Variants in GNB5 observed in about 807,000 individuals in gnomAD.
GNB5 encodes the protein guanine nucleotide-binding protein subunit beta-5.
In GNB5, 37 loss-of-function variants were observed where a neutral mutation model predicts 55.3. The observed-to-expected ratio is 0.67, with a 90% CI of 0.51 to 0.88. The LOEUF is 0.88. Among genes scored for constraint, GNB5 ranks in the 40% least tolerant of loss-of-function variants. The pLI is 0.00. For missense variants in GNB5, 476 were observed against 515.3 expected, an observed-to-expected ratio of 0.92 and a Z score of 0.74; for synonymous variants, 219 against 198.5, an observed-to-expected ratio of 1.10 and a Z score of -0.87.
At chr15:52,157,179 G>A (rs1286969830) in intron 3 of GNB5, among the ~76,000 whole-genome samples, 2 of 151,154 alleles carry the variant, frequency 1.3e-5, no homozygotes, top group Non-Finnish European at 1.5e-5. Flanking sequence ...CTTGTGATCC[G>A]CCAGCCTCGG....
chr15:52,140,906 G>A (rs936223137), intron 7 of GNB5, among the ~76,000 whole-genome samples: 1 of 152,090 alleles, frequency 6.6e-6, no homozygotes. Context: ...ATCAGAGGAG[G>A]ATTTTCAATA....
At chr15:52,128,954 CTT>C (rs536792407) in intron 9 of GNB5, among the ~76,000 whole-genome samples, 31,090 of 126,314 alleles carry the variant, frequency 0.25, 4,621 homozygotes, top group African/African-American at 0.5. Flanking sequence ...ATTGTTTCTC[CTT>C]TTTTTTTTTT....
chr15:52,119,850 G>A lies in GNB5; in HGVS notation c.*2907C>T, dbSNP rs1263557547. On this transcript the variant is annotated 3_prime_UTR_variant, in exon 13 of 13. Transcript: ENST00000261837. ...TTCAGCCAGCTGGCCTGGCAACTAT[G>A]AGAGCCCGGGACACAAAGGCCCTTA... 1 of 152,230 alleles carries A rather than the reference G, an allele frequency of 6.6e-6. No individual in the cohort carries two copies. The highest frequency in any genetic ancestry group is 1.5e-5 in the Non-Finnish European group (1 of 68,110). The allele number at this position is 152,230 out of a possible 1,614,324, so 9.4% of individuals were successfully genotyped here.
intron 10 of GNB5, 62 bp from the exon 11 acceptor site, chr15:52,126,106 A>G (rs1475134762): frequency 1.3e-6 from 1 of 783,218 alleles, no homozygotes; most frequent in African/African-American, 1.7e-5. Flanking sequence ...CGTGATGACC[A>G]CAGAGCTACA....
In GNB5 at chr15:52,133,367, TACTC is replaced by T; in HGVS notation, c.863+7_863+10del. On this transcript the variant is annotated splice_region_variant and intron_variant, in intron 9 of 12. Transcript: ENST00000261837. ...GAACAGAGAGGTGGCATGAACATTCTACTCACTGACCGGACACTGTTGATGTCAG... is the reference window on the plus strand; with the variant it reads ...GAACAGAGAGGTGGCATGAACATTCTACTGACCGGACACTGTTGATGTCAG... The T allele has an allele frequency of 6.4e-7, 1 of 1,553,278 alleles. No homozygotes were observed. Among genetic ancestry groups the T allele is most frequent in the Non-Finnish European group, 8.9e-7 (1 of 1,124,440 alleles).
intron 10 of GNB5, among the ~76,000 whole-genome samples, chr15:52,126,536 T>C (rs1303236274): frequency 2.0e-5 from 3 of 152,216 alleles, no homozygotes; most frequent in African/African-American, 7.2e-5. Flanking sequence ...TCCTTTCTCA[T>C]ATCATTAAAA....
At chr15:52,125,882 G>A in intron 11 of GNB5, 66 bp downstream of exon 11, 1 of 710,250 alleles carries the variant, frequency 1.4e-6, no homozygotes, top group East Asian at 2.7e-5. Context: ...GAGCGATGAT[G>A]GAGCGCTAGT....
intron 3 of GNB5, among the ~76,000 whole-genome samples, chr15:52,171,093 C>CAA (rs58181494): frequency 0.014 from 1,040 of 72,250 alleles, 9 homozygotes; most frequent in African/African-American, 0.034. Context: ...ACTCTATCTC[C>CAA]AAAAAAAAAA....
At chr15:52,136,867 T>C (rs1200848564) in intron 7 of GNB5, 1 of 381,172 alleles carries the variant, frequency 2.6e-6, no homozygotes, top group Non-Finnish European at 5.1e-6. Context: ...CCAGGCCAAC[T>C]TTCCTGTTAC....
intron 6 of GNB5, among the ~76,000 whole-genome samples, chr15:52,141,691 C>A (rs936165154): frequency 2.6e-5 from 4 of 152,174 alleles, no homozygotes; most frequent in African/African-American, 9.7e-5. Flanking sequence ...TCTACAGGAG[C>A]AAATTCTGAA....
chr15:52,158,674 T>C (rs1430005637), intron 3 of GNB5, among the ~76,000 whole-genome samples: 2 of 152,080 alleles, frequency 1.3e-5, no homozygotes, highest in African/African-American at 4.8e-5. Context: ...AGTTCCTTTT[T>C]TTTCTTTTCC....
chr15:52,122,578 T>C lies in GNB5; in HGVS notation c.*179A>G, dbSNP rs1046546253. The C allele has an allele frequency of 8.1e-6, 5 of 619,770 alleles. No individual in the cohort carries two copies. Among genetic ancestry groups the C allele is most frequent in the South Asian group, 2.0e-5 (1 of 50,818 alleles). The allele number at this position is 619,770 out of a possible 1,614,324, so 38.4% of individuals were successfully genotyped here. A position where few individuals can be genotyped will look rare whatever the true frequency, so the allele number is the denominator to read the frequency against. ...TCGCAGTGCTGAAGGCTCACACTAG[T>C]GTATTTCCAGAGGTGACAGTTTTAA... On this transcript the variant is annotated 3_prime_UTR_variant, in exon 13 of 13. Coordinates refer to ENST00000261837, the MANE Select transcript of GNB5 (RefSeq NM_016194.4).
At chr15:52,179,945 C>G in intron 2 of GNB5, 66 bp from the exon 3 acceptor site, 2 of 1,433,052 alleles carry the variant, frequency 1.4e-6, no homozygotes, top group Non-Finnish European at 1.8e-6. Flanking sequence ...CGGCGGGCGC[C>G]GCTCCAGCAG....
intron 7 of GNB5, chr15:52,137,739 G>A (rs974427043): frequency 5.1e-6 from 6 of 1,186,866 alleles, no homozygotes; most frequent in East Asian, 6.2e-5. Flanking sequence ...CTCAGGGTTC[G>A]GGGCCCTCAT....
intron 1 of GNB5, 71 bp from the exon 2 acceptor site, chr15:52,184,765 T>C: frequency 3.8e-6 from 5 of 1,307,986 alleles, no homozygotes; most frequent in Non-Finnish European, 5.4e-6. Flanking sequence ...AAATCTCTTC[T>C]TGCTTGTACC....
chr15:52,184,407 C>T (rs1393961596), intron 2 of GNB5, 144 bp downstream of exon 2: 1 of 652,276 alleles, frequency 1.5e-6, no homozygotes, highest in South Asian at 1.9e-5. Context: ...CACCCTGAAC[C>T]TCTGTACTAT....
At chr15:52,162,524 G>A (rs951484171) in intron 3 of GNB5, among the ~76,000 whole-genome samples, 8 of 152,110 alleles carry the variant, frequency 5.3e-5, no homozygotes, top group African/African-American at 1.9e-4. Context: ...GAAACCGACT[G>A]CAAAGAAGAC....
intron 12 of GNB5, among the ~76,000 whole-genome samples, 170 bp from the exon 13 acceptor site, chr15:52,122,938 C>T (rs2033310779): frequency 6.6e-6 from 1 of 152,034 alleles, no homozygotes; most frequent in African/African-American, 2.4e-5. Flanking sequence ...ATAGGGTGCT[C>T]ATGTGCCTTA....
At chr15:52,187,809 C>T (rs1430206937) in intron 1 of GNB5, among the ~76,000 whole-genome samples, 6 of 151,874 alleles carry the variant, frequency 4.0e-5, no homozygotes, top group East Asian at 1.9e-4. Context: ...ATTAGCCTGG[C>T]GTTGTGGTGC....
Sources: gnomAD v4.1 joint callset for allele counts (sites outside exome capture counted in the v4.1 genomes callset) on GRCh38, gnomAD v4.1.1 for gene constraint, MANE v1.5 for transcripts, NCBI Gene and HGNC (gene_info 2026-07-23, HGNC 2026-07-21) for gene names.